The following ASPSCR1 variants were observed in gnomAD, a reference collection of about 807,000 sequenced individuals.
The protein encoded by ASPSCR1 is tether containing UBX domain for GLUT4.
ASPSCR1 carries 55 observed loss-of-function variants against 68.9 expected under a neutral mutation model. The observed-to-expected ratio is 0.80, with a 90% CI of 0.64 to 1.00. The LOEUF (loss-of-function observed/expected upper bound fraction) is 1.00, where lower values mean the gene tolerates loss of function less well. Ranked by LOEUF, ASPSCR1 falls within the 50% of genes least tolerant of loss-of-function variation. The pLI, the probability that ASPSCR1 is intolerant of heterozygous loss-of-function variation, is 0.00. For synonymous variants in ASPSCR1, 352 were observed against 332.6 expected (o/e 1.06, Z -0.63); for missense variants, 765 against 762.2 (o/e 1.00, Z -0.04).
intron 2 of ASPSCR1, among the ~76,000 whole-genome samples, chr17:81,981,862 C>T (rs1009820697): frequency 2.6e-5 from 4 of 152,196 alleles, no homozygotes; most frequent in Non-Finnish European, 4.4e-5. Flanking sequence ...GACGGGGTTT[C>T]ACCATGTGGA....
chr17:82,009,046 CG>C lies in ASPSCR1; in HGVS notation c.946del (p.Glu316SerfsTer32). On this transcript the variant is annotated frameshift_variant, in exon 8 of 16. Transcript: ENST00000306739. LOFTEE classifies it high-confidence loss of function. ...QEQERERPVDREPVDREPVVC... is the reference protein window; with the variant it reads ...QEQERERPVDXEPVDREPVVC... ...CGCCCTCTGCCTCCAGCCCGTGGAC[CG>C]GGAGCCCGTGGACCGGGAGCCGGTG... The C allele has an allele frequency of 6.5e-7, 1 of 1,544,274 alleles. No individual in the cohort carries two copies. The highest frequency in any genetic ancestry group is 1.2e-5 in the South Asian group (1 of 84,110).
At chr17:82,000,378 G>T (rs1231862275) in intron 7 of ASPSCR1, among the ~76,000 whole-genome samples, 2 of 152,168 alleles carry the variant, frequency 1.3e-5, no homozygotes, top group Non-Finnish European at 2.9e-5. Flanking sequence ...CCTGCATGGC[G>T]TGCTGAGGGC....
intron 6 of ASPSCR1, 84 bp from the exon 7 acceptor site, chr17:81,996,336 G>T: frequency 6.6e-7 from 1 of 1,510,042 alleles, no homozygotes; most frequent in East Asian, 2.3e-5. Context: ...AGCCGGGGGC[G>T]GGAGAGGGTG....
chr17:82,002,155 CTT>C (rs2042557137), intron 7 of ASPSCR1, among the ~76,000 whole-genome samples: 2 of 150,504 alleles, frequency 1.3e-5, no homozygotes, highest in African/African-American at 4.9e-5. Flanking sequence ...CACCTGGCCT[CTT>C]TTCATCTTCT....
intron 4 of ASPSCR1, among the ~76,000 whole-genome samples, chr17:81,992,740 G>A (rs766077391): frequency 2.6e-5 from 4 of 152,232 alleles, no homozygotes; most frequent in African/African-American, 9.6e-5. Flanking sequence ...CCTGCGTCTC[G>A]GGGCCTCTGG....
intron 3 of ASPSCR1, among the ~76,000 whole-genome samples, chr17:81,985,208 C>T (rs1424772775): frequency 2.0e-5 from 3 of 150,088 alleles, no homozygotes; most frequent in Admixed American, 6.6e-5. Flanking sequence ...ACACACATAC[C>T]TGCACACAAC....
Position 82,012,296 on chromosome 17 carries a change from C to G in ASPSCR1, c.1353+13C>G. The G allele has an allele frequency of 6.2e-7, 1 of 1,612,708 alleles. No homozygotes were observed. The highest frequency in any genetic ancestry group is 8.5e-7 in the Non-Finnish European group (1 of 1,179,450). ...GACCCTCTTTCAGGTACCTGAGGGCCTCCCTGGGGTGCTGCGGGGCGGGGC... is the reference window on the plus strand; with the variant it reads ...GACCCTCTTTCAGGTACCTGAGGGCGTCCCTGGGGTGCTGCGGGGCGGGGC... On this transcript the variant is annotated intron_variant, in intron 12 of 15. Coordinates refer to ENST00000306739, the MANE Select transcript of ASPSCR1 (RefSeq NM_024083.4).
Position 81,985,608 on chromosome 17 carries a change from G to A in ASPSCR1, c.374+1G>A, listed in dbSNP as rs753691563. 6.2e-7 allele frequency: 1 copy of A among 1,612,530 alleles called. No individual in the cohort carries two copies. Among genetic ancestry groups the A allele is most frequent in the Non-Finnish European group, 8.5e-7 (1 of 1,178,776 alleles). The stretch of plus-strand genomic sequence containing the variant: ...TTCTCAGCCATTTTCCACAGATCAG[G>A]TGAGCATCAGTGGGCTGGGGGCTCT... On this transcript the variant is annotated splice_donor_variant, in intron 4 of 15. Transcript: ENST00000306739. LOFTEE classifies it high-confidence loss of function.
chr17:82,007,816 G>T (rs377364189), intron 7 of ASPSCR1: 86 of 152,420 alleles, frequency 5.6e-4, no homozygotes, highest in African/African-American at 1.4e-3. Context: ...GGCTGTGGGG[G>T]GCCGCCTGGC....
intron 13 of ASPSCR1, 59 bp from the exon 14 acceptor site, chr17:82,016,741 G>A: frequency 1.9e-6 from 3 of 1,565,436 alleles, no homozygotes; most frequent in Non-Finnish European, 2.6e-6. Context: ...GCAGATGCTG[G>A]GTGGATGGTG....
chr17:82,007,853 T>C (rs994829645), intron 7 of ASPSCR1: 1 of 152,272 alleles, frequency 6.6e-6, no homozygotes, highest in African/African-American at 2.4e-5. Flanking sequence ...TAAAAAGCTC[T>C]GGCGCAGGCT....
At chr17:81,978,104 C>T (rs538516472) in intron 1 of ASPSCR1, 105 of 164,946 alleles carry the variant, frequency 6.4e-4, no homozygotes, top group Non-Finnish European at 9.0e-4. Context: ...TCCGGGGCGT[C>T]CCCCGGAGCG....
At chr17:81,994,298 G>A (rs1373295703) in intron 4 of ASPSCR1, among the ~76,000 whole-genome samples, 1 of 152,346 alleles carries the variant, frequency 6.6e-6, no homozygotes, top group East Asian at 1.9e-4. Flanking sequence ...GCGGGCGTGA[G>A]CGGAGTGCAG....
chr17:82,015,461 T>C, intron 12 of ASPSCR1: 1 of 1,393,646 alleles, frequency 7.2e-7, no homozygotes, highest in South Asian at 1.4e-5. Flanking sequence ...TGTTCCCGAG[T>C]CCTGCCCGCC....
chr17:82,012,275 C>T lies in ASPSCR1; in HGVS notation c.1345C>T (p.Leu449Phe). 6.2e-6 allele frequency: 10 copies of T among 1,613,494 alleles called. No individual in the cohort carries two copies. The highest frequency in any genetic ancestry group is 8.5e-6 in the Non-Finnish European group (10 of 1,179,900). Residue 449 changes from leucine (L) to phenylalanine (F), a missense_variant, in exon 12 of 16, where the codon CTC becomes TTC. Physicochemically the swap from Leu to Phe is conservative, Grantham distance 22. Transcript: ENST00000306739. ...KTVLDDHTQTLFQANLFPAAL... is the reference protein window; with the variant it reads ...KTVLDDHTQTFFQANLFPAAL... Reference sequence around the variant, plus strand: ...AGTCCTGGACGACCACACGCAGACCCTCTTTCAGGTACCTGAGGGCCTCCC... The same window carrying T: ...AGTCCTGGACGACCACACGCAGACCTTCTTTCAGGTACCTGAGGGCCTCCC...
Position 81,996,504 on chromosome 17 carries a change from C to G in ASPSCR1, c.591C>G (p.Ser197Arg), listed in dbSNP as rs756986856. 1.2e-6 allele frequency: 2 copies of G among 1,612,304 alleles called. No homozygotes were observed. Among genetic ancestry groups the G allele is most frequent in the Middle Eastern group, 1.7e-4 (1 of 6,046 alleles). Residue 197 changes from serine to arginine, a missense_variant, in exon 7 of 16, where the codon AGC (serine) becomes AGG (arginine). By Grantham distance (110) the Ser-to-Arg change is moderately radical. Coordinates refer to ENST00000306739, the MANE Select transcript of ASPSCR1 (RefSeq NM_024083.4). ...CGTCGGCTGGCCAGGCAGCCGCCAG[C>G]GCTCCACTTCCCTTGGAATCTGGGG... The part of the protein sequence containing the change: ...SSASAGQAAA[S>R]APLPLESGEL...
chr17:81,983,723 G>T lies in ASPSCR1; in HGVS notation c.273+55G>T, dbSNP rs1732214775. The T allele has an allele frequency of 6.9e-7, 1 of 1,450,368 alleles. No individual in the cohort carries two copies. Among genetic ancestry groups the T allele is most frequent in the Non-Finnish European group, 9.5e-7 (1 of 1,052,116 alleles). The allele number at this position is 1,450,368 out of a possible 1,614,324, so 89.8% of individuals were successfully genotyped here. The stretch of plus-strand genomic sequence containing the variant: ...TGTGGGGCACAGGATCGTTCAGCTG[G>T]CCAGGGACGGGGGACGGGACAGTGG... On this transcript the variant is annotated intron_variant, in intron 3 of 15. Coordinates refer to ENST00000306739, the MANE Select transcript of ASPSCR1 (RefSeq NM_024083.4). This position sits in a 1 kb window ranked among gnomAD's most constrained non-coding sequence, Gnocchi z 4.4.
At chr17:81,984,983 C>T (rs2041931932) in intron 3 of ASPSCR1, among the ~76,000 whole-genome samples, 1 of 126,054 alleles carries the variant, frequency 7.9e-6, no homozygotes, top group Non-Finnish European at 1.6e-5. Flanking sequence ...CACCCACACA[C>T]CTGCGTGCAC....
At chr17:81,997,064 C>G (rs571260358) in intron 7 of ASPSCR1, among the ~76,000 whole-genome samples, 105 of 89,620 alleles carry the variant, frequency 1.2e-3, no homozygotes, top group African/African-American at 5.9e-3. Flanking sequence ...AGTAGCTTTA[C>G]TGAGACGGTG....
Sources: allele counts gnomAD v4.1 joint callset (sites outside exome capture counted in the v4.1 genomes callset), GRCh38; gene constraint gnomAD v4.1.1; non-coding constraint Gnocchi (gnomAD v3.1); transcripts MANE v1.5; gene names NCBI Gene and HGNC (gene_info 2026-07-23, HGNC 2026-07-21).